The following APEX1 variants were observed in gnomAD, a reference collection of about 807,000 sequenced individuals.
APEX1 encodes apurinic/apyrimidinic endodeoxyribonuclease 1, also known as DNA repair nuclease/redox regulator APEX1.
A neutral mutation model predicts 33.2 loss-of-function variants in APEX1; 32 were observed. The observed-to-expected ratio is 0.96, with a 90% CI of 0.73 to 1.29. APEX1 has a LOEUF of 1.29. Ranked by LOEUF, APEX1 falls within the 50% of genes most tolerant of loss-of-function variation. The pLI, the probability that APEX1 is intolerant of heterozygous loss-of-function variation, is 0.00. For missense variants in APEX1, 442 were observed against 395.6 expected, an observed-to-expected ratio of 1.12 and a Z score of -0.99; for synonymous variants, 175 against 156.6, an observed-to-expected ratio of 1.12 and a Z score of -0.88.
rs1881470614 is a variant in APEX1 at position 20,457,584 on chromosome 14, G to A, written c.*76G>A. 1.3e-6 allele frequency: 2 copies of A among 1,545,218 alleles called. No individual in the cohort carries two copies. Among genetic ancestry groups the A allele is most frequent in the African/African-American group, 1.4e-5 (1 of 73,522 alleles). On this transcript the variant is annotated 3_prime_UTR_variant, in exon 5 of 5. Coordinates refer to ENST00000216714, the MANE Select transcript of APEX1 (RefSeq NM_001641.4). ...ATTCCTTCTTTAAACACTCTTCAGA[G>A]AAATCTGCATTCTATTTCTCATGTA...
Position 20,456,080 on chromosome 14 carries a change from G to A in APEX1, c.225G>A (p.Trp75Ter). 2 of 1,614,192 alleles carry A rather than the reference G, an allele frequency of 1.2e-6. No individual in the cohort carries two copies. Among genetic ancestry groups the A allele is most frequent in the Non-Finnish European group, 1.7e-6 (2 of 1,180,022 alleles). The change falls in exon 3 of 5, where the codon TGG (tryptophan) becomes TGA (stop). Residue 75 changes from tryptophan to a stop codon, truncating the protein, a stop_gained. Coordinates refer to ENST00000216714, the MANE Select transcript of APEX1 (RefSeq NM_001641.4). LOFTEE classifies it high-confidence loss of function. Reference sequence around the variant, plus strand: ...GGAATGTGGATGGGCTTCGAGCCTGGATTAAGAAGAAAGGATTAGATGTGA... The same window carrying A: ...GGAATGTGGATGGGCTTCGAGCCTGAATTAAGAAGAAAGGATTAGATGTGA... The part of the protein sequence containing the change: ...CSWNVDGLRA[W>*]IKKKGLDWVK...
intron 4 of APEX1, 34 bp downstream of exon 4, chr14:20,456,894 T>C: frequency 6.2e-7 from 1 of 1,608,834 alleles, no homozygotes. Flanking sequence ...GCCTGAACTC[T>C]TCAAAACCAA....
intron 2 of APEX1, 71 bp downstream of exon 2, chr14:20,455,774 G>T (rs745532557): frequency 1.9e-6 from 3 of 1,614,044 alleles, no homozygotes; most frequent in Non-Finnish European, 2.5e-6. Context: ...TTGATGTACG[G>T]TAAGTACGGG....
chr14:20,455,733 A>G, intron 2 of APEX1, 30 bp downstream of exon 2: 1 of 1,614,216 alleles, frequency 6.2e-7, no homozygotes, highest in Non-Finnish European at 8.5e-7. Context: ...CCTTCTTCCT[A>G]GAAGCTGCGG....
rs1881307896 is a variant in APEX1 at position 20,455,921 on chromosome 14, G to A, written c.66G>A (p.Glu22=). The change falls in exon 3 of 5, where the codon GAG becomes GAA. Residue 22 remains glutamate, a synonymous_variant. Transcript: ENST00000216714. ...EDGDELRTEP[E]AKKSKTAAKK... ...ATATTACTCATTTTATAGAGCCAGA[G>A]GCCAAGAAGAGTAAGACGGCCGCAA... is the stretch of plus-strand genomic sequence containing the variant. 5 of 1,614,008 alleles carry A rather than the reference G, an allele frequency of 3.1e-6. No individual in the cohort carries two copies. Among genetic ancestry groups the A allele is most frequent in the African/African-American group, 1.3e-5 (1 of 74,898 alleles).
In APEX1 at chr14:20,456,203, T is replaced by A. The variant is rs981404262; in HGVS notation, c.246+102T>A. ...TAGCCTTCAGGCTGTTTTATTTTTC[T>A]CCTGCCCGTAGTTTTCTGTGGGGCT... On this transcript the variant is annotated intron_variant, in intron 3 of 4. Coordinates refer to ENST00000216714, the MANE Select transcript of APEX1 (RefSeq NM_001641.4). The A allele has an allele frequency of 4.4e-6, 6 of 1,366,474 alleles. No homozygotes were observed. In the African/African-American group the frequency reaches 7.2e-5, roughly 16 times the overall value. The allele number at this position is 1,366,474 out of a possible 1,614,324, so 84.6% of individuals were successfully genotyped here. A position where few individuals can be genotyped will look rare whatever the true frequency, so the allele number is the denominator to read the frequency against.
chr14:20,457,569 TA>T lies in APEX1; in HGVS notation c.*64del. The T allele has an allele frequency of 6.4e-7, 1 of 1,572,382 alleles. No homozygotes were observed. Among genetic ancestry groups the T allele is most frequent in the Non-Finnish European group, 8.7e-7 (1 of 1,148,968 alleles). On this transcript the variant is annotated 3_prime_UTR_variant, in exon 5 of 5. Transcript: ENST00000216714. The stretch of plus-strand genomic sequence containing the variant: ...GCCCCCTCAACTACCATTCCTTCTT[TA>T]AACACTCTTCAGAGAAATCTGCATT...
At chr14:20,456,189 C>A in intron 3 of APEX1, 88 bp downstream of exon 3, 1 of 1,486,032 alleles carries the variant, frequency 6.7e-7, no homozygotes, top group Non-Finnish European at 9.3e-7. Context: ...AGCCTTCAGG[C>A]TGTTTTATTT....
Position 20,455,575 on chromosome 14 carries a change from T to C in APEX1, c.-68-3T>C. ...TGGTTTCATGATTTCTTTGCGTCTG[T>C]AGGCAACGCGGTAAAAATATTGCTT... On this transcript the variant is annotated splice_region_variant and splice_polypyrimidine_tract_variant and intron_variant, in intron 1 of 4. Coordinates refer to ENST00000216714, the MANE Select transcript of APEX1 (RefSeq NM_001641.4). The C allele has an allele frequency of 6.2e-7, 1 of 1,611,678 alleles. No individual in the cohort carries two copies. Among genetic ancestry groups the C allele is most frequent in the South Asian group, 1.1e-5 (1 of 90,900 alleles).
At position 20,457,705 on chromosome 14, in the gene APEX1, G is replaced by T; in HGVS notation, c.*197G>T. The T allele has an allele frequency of 1.4e-6, 1 of 691,666 alleles. No individual in the cohort carries two copies. The highest frequency in any genetic ancestry group is 1.9e-5 in the South Asian group (1 of 53,276). 42.8% of individuals were successfully genotyped at this position (691,666 alleles called of 1,614,324 possible). A position where few individuals can be genotyped will look rare whatever the true frequency, so the allele number is the denominator to read the frequency against. On this transcript the variant is annotated 3_prime_UTR_variant, in exon 5 of 5. Coordinates refer to ENST00000216714, the MANE Select transcript of APEX1 (RefSeq NM_001641.4). ...GTTTTTTGTTTTTTAAAAAAAAATT[G>T]AACAAAGACTACTAATGACTTTGTT...
In APEX1 at chr14:20,455,989, A is replaced by C. The variant is rs745852498; in HGVS notation, c.134A>C (p.Tyr45Ser). The C allele has an allele frequency of 2.7e-5, 44 of 1,614,098 alleles. No individual in the cohort carries two copies. The highest frequency in any genetic ancestry group is 3.6e-5 in the Non-Finnish European group (43 of 1,180,046). ...GCAGCAGGAGAGGGCCCAGCCCTGT[A>C]TGAGGACCCCCCAGATCAGAAAACC... ...KEAAGEGPAL[Y>S]EDPPDQKTSP... Residue 45 changes from tyrosine to serine, a missense_variant, in exon 3 of 5, where the codon TAT becomes TCT. Transcript: ENST00000216714.
In APEX1 at chr14:20,456,826, C is replaced by T. The variant is rs1288412258; in HGVS notation, c.405C>T (p.Ser135=). The T allele has an allele frequency of 6.8e-6, 11 of 1,614,098 alleles. No individual in the cohort carries two copies. The highest frequency in any genetic ancestry group is 4.5e-5 in the East Asian group (2 of 44,900). ...GGTACAGTGGCGTGGGCCTGCTTTC[C>T]CGCCAGTGCCCACTCAAAGTTTCTT... ...KEGYSGVGLL[S]RQCPLKVSYG... is the part of the protein sequence containing the mutation. Residue 135 remains serine, a synonymous_variant, in exon 4 of 5, where the codon TCC becomes TCT. Coordinates refer to ENST00000216714, the MANE Select transcript of APEX1 (RefSeq NM_001641.4).
rs771085264 is a variant in APEX1 at position 20,457,351 on chromosome 14, G to A, written c.800G>A (p.Trp267Ter). 1.9e-6 allele frequency: 3 copies of A among 1,614,206 alleles called. No individual in the cohort carries two copies. In the East Asian group the frequency reaches 6.7e-5, roughly 36 times the overall value. Residue 267 changes from tryptophan (W) to a stop codon, truncating the protein, a stop_gained, in exon 5 of 5, where the codon TGG (tryptophan) becomes TAG (stop). Transcript: ENST00000216714. LOFTEE classifies it high-confidence loss of function. ...AACACACCCTATGCCTACACCTTTTGGACTTATATGATGAATGCTCGATCC... is the reference window on the plus strand; with the variant it reads ...AACACACCCTATGCCTACACCTTTTAGACTTATATGATGAATGCTCGATCC... ...YPNTPYAYTFWTYMMNARSKN... is the reference protein window; with the variant it reads ...YPNTPYAYTF
Position 20,457,005 on chromosome 14 carries a change from G to C in APEX1, c.454G>C (p.Asp152His). The change falls in exon 5 of 5, where the codon GAT becomes CAT. Residue 152 changes from aspartate (D) to histidine (H), a missense_variant. By Grantham distance (81) the Asp-to-His change is moderately conservative. Coordinates refer to ENST00000216714, the MANE Select transcript of APEX1 (RefSeq NM_001641.4). ...VSYGIGDEEH[D>H]QEGRVIVAEF... The stretch of plus-strand genomic sequence containing the variant: ...CATTTCTATAGGCGATGAGGAGCAT[G>C]ATCAGGAAGGCCGGGTGATTGTGGC... 6.2e-7 allele frequency: 1 copy of C among 1,614,052 alleles called. No homozygotes were observed. Among genetic ancestry groups the C allele is most frequent in the Non-Finnish European group, 8.5e-7 (1 of 1,179,942 alleles).
chr14:20,455,302 A>G lies in APEX1; in HGVS notation c.-161A>G, dbSNP rs1881263353. On this transcript the variant is annotated 5_prime_UTR_variant, in exon 1 of 5. Coordinates refer to ENST00000216714, the MANE Select transcript of APEX1 (RefSeq NM_001641.4). ...ATACGGGGTTGCTCTTTTGCTCATA[A>G]GAGGGGCTTCGCTGGCAGTCTGAAC... 1 of 443,480 alleles carries G rather than the reference A, an allele frequency of 2.3e-6. No individual in the cohort carries two copies. Among genetic ancestry groups the G allele is most frequent in the Non-Finnish European group, 4.2e-6 (1 of 239,478 alleles). 27.5% of individuals were successfully genotyped at this position (443,480 alleles called of 1,614,324 possible).
Position 20,457,598 on chromosome 14 carries a change from AT to A in APEX1, c.*93del. 1 of 1,515,340 alleles carries A rather than the reference AT, an allele frequency of 6.6e-7. No homozygotes were observed. The highest frequency in any genetic ancestry group is 9.1e-7 in the Non-Finnish European group (1 of 1,101,824). The allele number at this position is 1,515,340 out of a possible 1,614,324, so 93.9% of individuals were successfully genotyped here. A position where few individuals can be genotyped will look rare whatever the true frequency, so the allele number is the denominator to read the frequency against. ...CACTCTTCAGAGAAATCTGCATTCTATTTCTCATGTATAAAACTAGGAATCC... is the reference window on the plus strand; with the variant it reads ...CACTCTTCAGAGAAATCTGCATTCTATTCTCATGTATAAAACTAGGAATCC... On this transcript the variant is annotated 3_prime_UTR_variant, in exon 5 of 5. Transcript: ENST00000216714.
At position 20,456,861 on chromosome 14, in the gene APEX1, G is replaced by A; in HGVS notation, c.439+1G>A. 6.2e-7 allele frequency: 1 copy of A among 1,613,626 alleles called. No individual in the cohort carries two copies. The highest frequency in any genetic ancestry group is 8.5e-7 in the Non-Finnish European group (1 of 1,179,718). The stretch of plus-strand genomic sequence containing the variant: ...CCACTCAAAGTTTCTTACGGCATAG[G>A]TGAGACCCTATTGATGCCTAATGCC... On this transcript the variant is annotated splice_donor_variant, in intron 4 of 4. Coordinates refer to ENST00000216714, the MANE Select transcript of APEX1 (RefSeq NM_001641.4). LOFTEE classifies it high-confidence loss of function.
chr14:20,456,189 C>T, intron 3 of APEX1, 88 bp downstream of exon 3: 1 of 1,486,038 alleles, frequency 6.7e-7, no homozygotes, highest in Non-Finnish European at 9.3e-7. Flanking sequence ...AGCCTTCAGG[C>T]TGTTTTATTT....
At position 20,456,790 on chromosome 14, in the gene APEX1, G is replaced by C. The variant is rs1465972450; in HGVS notation, c.369G>C (p.Ser123=). 6.2e-7 allele frequency: 1 copy of C among 1,614,196 alleles called. No individual in the cohort carries two copies. The highest frequency in any genetic ancestry group is 1.7e-5 in the Admixed American group (1 of 60,014). The change falls in exon 4 of 5, where the codon TCG becomes TCC. Residue 123 remains serine (S), a synonymous_variant. Transcript: ENST00000216714. The part of the protein sequence containing the change: ...GLSHQYWSAP[S]DKEGYSGVGL... ...CTCATCAATACTGGTCAGCTCCTTC[G>C]GACAAGGAAGGGTACAGTGGCGTGG...
Sources: gnomAD v4.1 joint callset for allele counts on GRCh38, gnomAD v4.1.1 for gene constraint, MANE v1.5 for transcripts, NCBI Gene and HGNC (gene_info 2026-07-23, HGNC 2026-07-21) for gene names.